Variants in ARMH4 observed in about 807,000 individuals in gnomAD.
ARMH4 encodes the protein armadillo like helical domain containing 4.
ARMH4 carries 49 observed loss-of-function variants against 61.9 expected under a neutral mutation model. That is an observed-to-expected ratio of 0.79 (90% CI 0.63 to 1.00). The LOEUF (loss-of-function observed/expected upper bound fraction) is 1.00. ARMH4 is among the 50% of genes least tolerant of loss of function. ARMH4 has a pLI of 0.00. For synonymous variants in ARMH4, 368 were observed against 341.5 expected, an observed-to-expected ratio of 1.08 and a Z score of -0.85; for missense variants, 934 against 930.0, an observed-to-expected ratio of 1.00 and a Z score of -0.06.
intron 5 of ARMH4, among the ~76,000 whole-genome samples, chr14:58,071,553 T>C (rs1884882210): frequency 6.6e-6 from 1 of 152,204 alleles, no homozygotes; most frequent in Admixed American, 6.5e-5. Flanking sequence ...AGGCTGACTT[T>C]GACTTCCTGA....
chr14:58,119,920 G>A (rs567727239), intron 4 of ARMH4, among the ~76,000 whole-genome samples: 1 of 152,106 alleles, frequency 6.6e-6, no homozygotes, highest in East Asian at 1.9e-4. Context: ...TTTCCATATT[G>A]TTAGGTTTGT....
chr14:58,112,628 TCTCAGTCC>T (rs1886392141), intron 4 of ARMH4, among the ~76,000 whole-genome samples: 1 of 152,230 alleles, frequency 6.6e-6, no homozygotes, highest in African/African-American at 2.4e-5. Flanking sequence ...TCTTCTTGCA[TCTCAGTCC>T]CTCCTTCTAG....
chr14:58,101,189 G>A (rs932879339), intron 4 of ARMH4: 2 of 152,300 alleles, frequency 1.3e-5, no homozygotes, highest in African/African-American at 2.4e-5. Context: ...GCAGTACATC[G>A]GTCATGAGAG....
At chr14:58,064,830 C>A (rs957836611) in intron 5 of ARMH4, among the ~76,000 whole-genome samples, 4 of 152,166 alleles carry the variant, frequency 2.6e-5, no homozygotes, top group African/African-American at 9.7e-5. Flanking sequence ...AGCCAGAGTA[C>A]AATTCACTCT....
rs764442604 is a variant in ARMH4 at position 58,138,634 on chromosome 14, G to A, written c.725C>T (p.Thr242Ile). 1.2e-6 allele frequency: 2 copies of A among 1,614,188 alleles called. No homozygotes were observed. Among genetic ancestry groups the A allele is most frequent in the Admixed American group, 1.7e-5 (1 of 60,024 alleles). ...RTTSFPGAESTAGSEPGSLTP... is the reference protein window; with the variant it reads ...RTTSFPGAESIAGSEPGSLTP... ...GAGGCTTCCAGGCTCACTGCCTGCT[G>A]TGGACTCAGCACCAGGAAAAGAAGT... The change falls in exon 2 of 8, where the codon ACA (threonine) becomes ATA (isoleucine). Residue 242 changes from threonine to isoleucine, a missense_variant. By Grantham distance (89) the Thr-to-Ile change is moderately conservative. Transcript: ENST00000267485.
intron 1 of ARMH4, among the ~76,000 whole-genome samples, chr14:58,147,503 C>T (rs980750693): frequency 3.9e-5 from 6 of 152,052 alleles, no homozygotes; most frequent in African/African-American, 7.2e-5. Flanking sequence ...TTAGTAGAGA[C>T]GGCATTTCAC....
chr14:58,079,857 T>C (rs1327907569), intron 5 of ARMH4, among the ~76,000 whole-genome samples: 1 of 152,112 alleles, frequency 6.6e-6, no homozygotes, highest in Non-Finnish European at 1.5e-5. Context: ...GTTGGCTTCC[T>C]TGGCACTACT....
At chr14:58,123,942 A>G (rs1255672313) in intron 4 of ARMH4, among the ~76,000 whole-genome samples, 2 of 152,200 alleles carry the variant, frequency 1.3e-5, no homozygotes, top group Non-Finnish European at 2.9e-5. Flanking sequence ...TTCCAAACCA[A>G]ACGCTCAGCA....
At position 58,023,025 on chromosome 14, in the gene ARMH4, C is replaced by A. The variant is rs529907267; in HGVS notation, c.2090-10875G>T. Among the ~76,000 whole-genome samples, 3 of 152,318 alleles carry A rather than the reference C, an allele frequency of 2.0e-5. No homozygotes were observed. The East Asian group carries it at 5.8e-4, about 29-fold the overall frequency. On this transcript the variant is annotated intron_variant, in intron 5 of 7. Transcript: ENST00000267485. ...TTTATTACCAAAAAATGCTACTGAT[C>A]ATCTGAGCCTTCACAGACTATTTTT...
At chr14:58,111,952 C>G (rs79387265) in intron 4 of ARMH4, among the ~76,000 whole-genome samples, 1 of 152,158 alleles carries the variant, frequency 6.6e-6, no homozygotes, top group Non-Finnish European at 1.5e-5. Flanking sequence ...CTTCGCCCCC[C>G]TAAAGTTCTG....
chr14:58,013,474 A>C (rs533385893), intron 5 of ARMH4, among the ~76,000 whole-genome samples: 5 of 152,286 alleles, frequency 3.3e-5, no homozygotes, highest in African/African-American at 9.6e-5. Context: ...CATGGACTAC[A>C]GTTTGCTGGC....
At chr14:58,107,117 A>G (rs1886188482) in intron 4 of ARMH4, among the ~76,000 whole-genome samples, 1 of 152,190 alleles carries the variant, frequency 6.6e-6, no homozygotes. Context: ...AGTTTCTCTA[A>G]CTGCATTTTT....
At chr14:58,039,525 A>G (rs982337954) in intron 5 of ARMH4, among the ~76,000 whole-genome samples, 3 of 152,204 alleles carry the variant, frequency 2.0e-5, no homozygotes, top group Admixed American at 2.0e-4. Flanking sequence ...TTTTTAAAAA[A>G]GAAAATCTTT....
chr14:58,139,163 G>A lies in ARMH4; in HGVS notation c.196C>T (p.Pro66Ser). The change falls in exon 2 of 8, where the codon CCC (proline) becomes TCC (serine). Residue 66 changes from proline (P) to serine (S), a missense_variant. By Grantham distance (74) the Pro-to-Ser change is moderately conservative. Transcript: ENST00000267485. ...GGATCTTCAGAGACCACCAGTTGGG[G>A]AGTCTGCTTTGAGGTAACAGAGCTA... is the stretch of plus-strand genomic sequence containing the variant. ...ENSSVTSKQTPQLVVSEDPMM... is the reference protein window; with the variant it reads ...ENSSVTSKQTSQLVVSEDPMM... 6.2e-7 allele frequency: 1 copy of A among 1,614,220 alleles called. No individual in the cohort carries two copies. The highest frequency in any genetic ancestry group is 8.5e-7 in the Non-Finnish European group (1 of 1,180,038).
intron 5 of ARMH4, among the ~76,000 whole-genome samples, chr14:58,046,589 T>C (rs567047800): frequency 1.3e-5 from 2 of 152,336 alleles, no homozygotes; most frequent in South Asian, 4.1e-4. Flanking sequence ...CAAAATTACC[T>C]GAGCAACTCA....
chr14:58,145,821 C>T (rs7142336), intron 1 of ARMH4, among the ~76,000 whole-genome samples: 2 of 152,108 alleles, frequency 1.3e-5, no homozygotes, highest in African/African-American at 2.4e-5. Flanking sequence ...TCCCCACTAT[C>T]GAAAGCAACA....
At chr14:58,059,216 G>T (rs1200002494) in intron 5 of ARMH4, among the ~76,000 whole-genome samples, 1 of 152,256 alleles carries the variant, frequency 6.6e-6, no homozygotes, top group Non-Finnish European at 1.5e-5. Context: ...CACAGGTCAG[G>T]CTGGGCATCT....
At chr14:58,125,952 G>A (rs1351771120) in intron 4 of ARMH4, among the ~76,000 whole-genome samples, 1 of 152,126 alleles carries the variant, frequency 6.6e-6, no homozygotes, top group Non-Finnish European at 1.5e-5. Context: ...AGTAAAGAGA[G>A]CTCACTAAAA....
intron 1 of ARMH4, among the ~76,000 whole-genome samples, chr14:58,145,662 C>T (rs1887711076): frequency 6.6e-6 from 1 of 152,314 alleles, no homozygotes; most frequent in Non-Finnish European, 1.5e-5. Flanking sequence ...AAAGACTTGC[C>T]TTCTGTGATT....
Sources: allele counts gnomAD v4.1 joint callset (sites outside exome capture counted in the v4.1 genomes callset), GRCh38; gene constraint gnomAD v4.1.1; transcripts MANE v1.5; gene names NCBI Gene and HGNC (gene_info 2026-07-23, HGNC 2026-07-21).